SRSF2: variants seen among roughly 807,000 people sequenced by gnomAD.
SRSF2 encodes the protein serine and arginine rich splicing factor 2, also known as serine/arginine-rich splicing factor 2.
A neutral mutation model predicts 15.7 loss-of-function variants in SRSF2; 4 were observed. That is an observed-to-expected ratio of 0.26 (90% CI 0.13 to 0.58). SRSF2 has a LOEUF of 0.58. SRSF2 is among the 20% of genes least tolerant of loss of function. The pLI, the probability that SRSF2 is intolerant of heterozygous loss-of-function variation, is 0.90. For missense variants in SRSF2, 147 were observed against 332.4 expected (o/e 0.44, Z 4.34); for synonymous variants, 192 against 138.9 (o/e 1.38, Z -2.69).
rs747137211 is a variant in SRSF2, at chr17:76,737,227, G to T, written c.-67C>A. The T allele has an allele frequency of 1.2e-5, 18 of 1,465,940 alleles. No individual in the cohort carries two copies. The African/African-American group carries it at 1.3e-4, about 10-fold the overall frequency. 90.8% of individuals were successfully genotyped at this position (1,465,940 alleles called of 1,614,324 possible). A position where few individuals can be genotyped will look rare whatever the true frequency, so the allele number is the denominator to read the frequency against. On this transcript the variant is annotated 5_prime_UTR_variant, in exon 1 of 3. Coordinates refer to ENST00000359995, the MANE Select transcript of SRSF2 (RefSeq NM_001195427.2). Reference sequence around the variant, plus strand: ...CTTCCTCAGCTCTGGGCGGTGCGACGCCGCGCCTCTCAGGCAGTTGCCTTC... The same window carrying T: ...CTTCCTCAGCTCTGGGCGGTGCGACTCCGCGCCTCTCAGGCAGTTGCCTTC...
In SRSF2 at chr17:76,737,293, C is replaced by G. The variant is rs1349867707; in HGVS notation, c.-133G>C. The G allele has an allele frequency of 1.0e-5, 13 of 1,270,048 alleles. 1 individual carries two copies. The highest frequency in any genetic ancestry group is 3.2e-5 in the South Asian group (2 of 62,834). The allele number at this position is 1,270,048 out of a possible 1,614,324, so 78.7% of individuals were successfully genotyped here. ...GGAAAGGCCTTGCCGCAGAACAGCA[C>G]GGACGGGCTCCGCAGGCTAGCGCAC... On this transcript the variant is annotated 5_prime_UTR_variant, in exon 1 of 3. Transcript: ENST00000359995.
At chr17:76,736,535 C>T in intron 1 of SRSF2, 71 bp from the exon 2 acceptor site, 1 of 1,494,184 alleles carries the variant, frequency 6.7e-7, no homozygotes, top group Non-Finnish European at 9.0e-7. Context: ...CGCGCGCTCC[C>T]GCCCAGGCCG....
In SRSF2 at chr17:76,734,981, A is replaced by C. The variant is rs1302395230; in HGVS notation, c.*185T>G. 8.9e-6 allele frequency: 2 copies of C among 224,868 alleles called. No homozygotes were observed. The highest frequency in any genetic ancestry group is 1.3e-4 in the East Asian group (2 of 15,124). 13.9% of individuals were successfully genotyped at this position (224,868 alleles called of 1,614,324 possible). A position where few individuals can be genotyped will look rare whatever the true frequency, so the allele number is the denominator to read the frequency against. On this transcript the variant is annotated 3_prime_UTR_variant, in exon 3 of 3. Coordinates refer to ENST00000359995, the MANE Select transcript of SRSF2 (RefSeq NM_001195427.2). ...TACAAGAAATTTGAATAACAGCAACAAAATGGCACATAAAATGAAGTTTGC... is the reference window on the plus strand; with the variant it reads ...TACAAGAAATTTGAATAACAGCAACCAAATGGCACATAAAATGAAGTTTGC...
chr17:76,736,042 G>A, intron 2 of SRSF2, 112 bp downstream of exon 2: 1 of 1,108,062 alleles, frequency 9.0e-7, no homozygotes, highest in Non-Finnish European at 1.3e-6. Context: ...AGTAACCTCC[G>A]AGCAGCACTC....
Position 76,734,288 on chromosome 17 carries a change from G to T in SRSF2, c.*878C>A. 8.7e-6 allele frequency: 2 copies of T among 229,036 alleles called. No homozygotes were observed. The highest frequency in any genetic ancestry group is 1.8e-5 in the Non-Finnish European group (2 of 113,764). The allele number at this position is 229,036 out of a possible 1,614,324, so 14.2% of individuals were successfully genotyped here. A position where few individuals can be genotyped will look rare whatever the true frequency, so the allele number is the denominator to read the frequency against. On this transcript the variant is annotated 3_prime_UTR_variant, in exon 3 of 3. Transcript: ENST00000359995. Reference sequence around the variant, plus strand: ...AAGTTCATACATGTAGATATGATCAGATTTACCATTTTTAGGGGGAAGAGG... The same window carrying T: ...AAGTTCATACATGTAGATATGATCATATTTACCATTTTTAGGGGGAAGAGG...
In SRSF2 at chr17:76,736,900, C is replaced by A. The variant is rs760680088; in HGVS notation, c.261G>T (p.Val87=). The change falls in exon 1 of 3, where the codon GTG becomes GTT. Residue 87 remains valine, a synonymous_variant. Transcript: ENST00000359995. ...GGGGGCGGCCGTAGCGCGCCATTTG[C>A]ACCCGCAGCTCGCGGCCGTCCAGCA... ...GAVLDGRELR[V]QMARYGRPPD... The A allele has an allele frequency of 6.2e-6, 10 of 1,612,150 alleles. No individual in the cohort carries two copies. The highest frequency in any genetic ancestry group is 3.3e-5 in the Admixed American group (2 of 59,966).
At position 76,734,754 on chromosome 17, in the gene SRSF2, G is replaced by GAGT; in HGVS notation, c.*411_*412insACT. On this transcript the variant is annotated 3_prime_UTR_variant, in exon 3 of 3. Transcript: ENST00000359995. Reference sequence around the variant, plus strand: ...AGGTTTTTAATTTTAAGGAATGAAGGCAATGCTGAGTCAATCTCTTGACAG... The same window carrying GAGT: ...AGGTTTTTAATTTTAAGGAATGAAGGAGTCAATGCTGAGTCAATCTCTTGACAG... 1 of 238,582 alleles carries GAGT rather than the reference G, an allele frequency of 4.2e-6. No homozygotes were observed. The highest frequency in any genetic ancestry group is 8.9e-6 in the Non-Finnish European group (1 of 112,420). 14.8% of individuals were successfully genotyped at this position (238,582 alleles called of 1,614,324 possible).
intron 1 of SRSF2, 164 bp from the exon 2 acceptor site, chr17:76,736,628 C>A (rs971312072): frequency 3.5e-6 from 4 of 1,154,840 alleles, no homozygotes; most frequent in Non-Finnish European, 4.5e-6. Flanking sequence ...CGGCCACTCC[C>A]GGGTCGCAGA....
Position 76,736,396 on chromosome 17 carries a change from T to C in SRSF2, c.431A>G (p.Tyr144Cys), listed in dbSNP as rs751926392. 2 of 1,613,960 alleles carry C rather than the reference T, an allele frequency of 1.2e-6. No individual in the cohort carries two copies. The highest frequency in any genetic ancestry group is 1.1e-5 in the South Asian group (1 of 91,076). Residue 144 changes from tyrosine to cysteine, a missense_variant, in exon 2 of 3, where the codon TAC becomes TGC. Around this residue, in one of 2 missense-constraint regions of SRSF2, gnomAD observed 125 missense variants for 185.1 expected, o/e 0.68. Coordinates refer to ENST00000359995, the MANE Select transcript of SRSF2 (RefSeq NM_001195427.2). The part of the protein sequence containing the change: ...SRSRSRSRSR[Y>C]SRSKSRSRTR... ...GCGGGACCGAGACTTCGAGCGGCTG[T>C]AGCGAGATCGGCTGCGAGACCTGGA...
rs2143947437 is a variant in SRSF2 at position 76,736,926 on chromosome 17, C to T, written c.235G>A (p.Val79Met). ...EDAMDAMDGA[V>M]LDGRELRVQM... is the part of the protein sequence containing the mutation. ...ACCCGCAGCTCGCGGCCGTCCAGCA[C>T]GGCCCCGTCCATGGCATCCATAGCG... is the stretch of plus-strand genomic sequence containing the variant. Residue 79 changes from valine (V) to methionine (M), a missense_variant, in exon 1 of 3, where the codon GTG becomes ATG. Val to Met is a conservative substitution (Grantham distance 21). Transcript: ENST00000359995. 1 of 1,612,976 alleles carries T rather than the reference C, an allele frequency of 6.2e-7. No individual in the cohort carries two copies. Among genetic ancestry groups the T allele is most frequent in the Non-Finnish European group, 8.5e-7 (1 of 1,179,892 alleles).
intron 2 of SRSF2, chr17:76,735,640 CA>C (rs1338307297): frequency 8.0e-6 from 2 of 251,298 alleles, no homozygotes; most frequent in Non-Finnish European, 7.9e-6. Context: ...TTTGGGGTTC[CA>C]AATGTTCACT....
Position 76,737,302 on chromosome 17 carries a change from T to G in SRSF2, c.-142A>C, listed in dbSNP as rs1259514308. ...TTGCCGCAGAACAGCACGGACGGGCTCCGCAGGCTAGCGCACCTGAGTAAC... is the reference window on the plus strand; with the variant it reads ...TTGCCGCAGAACAGCACGGACGGGCGCCGCAGGCTAGCGCACCTGAGTAAC... On this transcript the variant is annotated 5_prime_UTR_variant, in exon 1 of 3. Coordinates refer to ENST00000359995, the MANE Select transcript of SRSF2 (RefSeq NM_001195427.2). 1.7e-6 allele frequency: 2 copies of G among 1,200,980 alleles called. No individual in the cohort carries two copies. Among genetic ancestry groups the G allele is most frequent in the Admixed American group, 5.8e-5 (2 of 34,248 alleles). 74.4% of individuals were successfully genotyped at this position (1,200,980 alleles called of 1,614,324 possible). A position where few individuals can be genotyped will look rare whatever the true frequency, so the allele number is the denominator to read the frequency against.
chr17:76,737,347 C>T (rs1568029461), upstream of SRSF2: 4 of 735,948 alleles, frequency 5.4e-6, no homozygotes, highest in East Asian at 8.5e-5. Flanking sequence ...GGCAGCCGGC[C>T]TCTGCGCCCG....
chr17:76,736,450 C>G lies in SRSF2; in HGVS notation c.377G>C (p.Arg126Pro). ...GRRSRSPRRR[R>P]RSRSRSRSRS... ...ACTCCGACTCCGGGATCGGCTGCGGCGACGCCGCCTAGGGCTGCGGGCGGG... is the reference window on the plus strand; with the variant it reads ...ACTCCGACTCCGGGATCGGCTGCGGGGACGCCGCCTAGGGCTGCGGGCGGG... Residue 126 changes from arginine to proline, a missense_variant, in exon 2 of 3, where the codon CGC becomes CCC. Arg to Pro is a moderately radical substitution (Grantham distance 103). Around this residue, in one of 2 missense-constraint regions of SRSF2, gnomAD observed 125 missense variants for 185.1 expected, o/e 0.68. Coordinates refer to ENST00000359995, the MANE Select transcript of SRSF2 (RefSeq NM_001195427.2). 6.2e-7 allele frequency: 1 copy of G among 1,612,054 alleles called. No individual in the cohort carries two copies. The highest frequency in any genetic ancestry group is 8.5e-7 in the Non-Finnish European group (1 of 1,179,886).
Position 76,736,179 on chromosome 17 carries a change from TTCC to T in SRSF2, c.645_647del (p.Glu216del). ...CATTTTCTTAAGAGGACACCGCTCC[TTCC>T]TCTTCAGGAGACTTGGGGGGACTCT... On this transcript the variant is annotated inframe_deletion, in exon 2 of 3. Transcript: ENST00000359995. The T allele has an allele frequency of 6.2e-7, 1 of 1,610,736 alleles. No homozygotes were observed. Among genetic ancestry groups the T allele is most frequent in the South Asian group, 1.1e-5 (1 of 90,938 alleles).
rs772860153 is a variant in SRSF2 at position 76,736,524 on chromosome 17, C to A, written c.363-60G>T. 11 of 1,531,934 alleles carry A rather than the reference C, an allele frequency of 7.2e-6. No homozygotes were observed. The South Asian group carries it at 1.3e-4, about 18-fold the overall frequency. The allele number at this position is 1,531,934 out of a possible 1,614,324, so 94.9% of individuals were successfully genotyped here. A position where few individuals can be genotyped will look rare whatever the true frequency, so the allele number is the denominator to read the frequency against. Reference sequence around the variant, plus strand: ...TTCCAGGCAGCGGGGCCGGCCCCGCCCGCGCGCTCCCGCCCAGGCCGCCAT... The same window carrying A: ...TTCCAGGCAGCGGGGCCGGCCCCGCACGCGCGCTCCCGCCCAGGCCGCCAT... On this transcript the variant is annotated intron_variant, in intron 1 of 2. Transcript: ENST00000359995.
chr17:76,736,172 C>T lies in SRSF2; in HGVS notation c.655G>A (p.Val219Met), dbSNP rs746200268. 6.2e-7 allele frequency: 1 copy of T among 1,607,220 alleles called. No homozygotes were observed. The highest frequency in any genetic ancestry group is 1.1e-5 in the South Asian group (1 of 90,644). ...PPKSPEEEGAVSS is the reference protein window; with the variant it reads ...PPKSPEEEGAMSS ...ACATTACCATTTTCTTAAGAGGACA[C>T]CGCTCCTTCCTCTTCAGGAGACTTG... is the stretch of plus-strand genomic sequence containing the variant. Residue 219 changes from valine to methionine, a missense_variant, in exon 2 of 3, where the codon GTG (valine) becomes ATG (methionine). Val to Met is a conservative substitution (Grantham distance 21, BLOSUM62 1). Coordinates refer to ENST00000359995, the MANE Select transcript of SRSF2 (RefSeq NM_001195427.2).
In SRSF2 at chr17:76,737,046, G is replaced by C; in HGVS notation, c.115C>G (p.Arg39Gly). 6.2e-7 allele frequency: 1 copy of C among 1,613,344 alleles called. No homozygotes were observed. The change falls in exon 1 of 3, where the codon CGC becomes GGC. Residue 39 changes from arginine to glycine, a missense_variant. By Grantham distance (125) the Arg-to-Gly change is moderately radical. Coordinates refer to ENST00000359995, the MANE Select transcript of SRSF2 (RefSeq NM_001195427.2). ...CGCGGGATGTACACGTCGCCGACGC[G>C]CCCGTACTTCTCGAAGACGCGCCTC... ...TLRRVFEKYGRVGDVYIPRDR... is the reference protein window; with the variant it reads ...TLRRVFEKYGGVGDVYIPRDR...
chr17:76,735,217 T>A (rs2077401113), intron 2 of SRSF2, 59 bp from the exon 3 acceptor site: 1 of 218,628 alleles, frequency 4.6e-6, no homozygotes, highest in East Asian at 6.8e-5. Flanking sequence ...ATGGTTTCAG[T>A]TTCAGGCACG....
Sources: allele counts gnomAD v4.1 joint callset, GRCh38; gene constraint gnomAD v4.1.1; regional missense constraint gnomAD v4.1.1; transcripts MANE v1.5; gene names NCBI Gene and HGNC (gene_info 2026-07-23, HGNC 2026-07-21).